The following MATR3 variants were observed in gnomAD, a reference collection of about 807,000 sequenced individuals.
MATR3 encodes matrin 3.
Under a neutral mutation model 85.5 loss-of-function variants are expected in MATR3, and 4 were observed. That is an observed-to-expected ratio of 0.05 (90% CI 0.02 to 0.11). The LOEUF (loss-of-function observed/expected upper bound fraction) is 0.11, where lower values mean the gene tolerates loss of function less well. Among genes scored for constraint, MATR3 ranks in the 10% least tolerant of loss-of-function variants. The pLI, the probability that MATR3 is intolerant of heterozygous loss-of-function variation, is 1.00. For synonymous variants in MATR3, 336 were observed against 343.1 expected (o/e 0.98, Z 0.23); for missense variants, 685 against 1,016.1 (o/e 0.67, Z 4.43).
intron 2 of MATR3, chr5:139,310,331 C>G (rs755789326): frequency 6.6e-6 from 1 of 152,074 alleles, no homozygotes; most frequent in Non-Finnish European, 1.5e-5. Context: ...ATTTTAGAGG[C>G]CTTTTGTTTA....
At chr5:139,329,173 A>T (rs1009808480) in intron 14 of MATR3, among the ~76,000 whole-genome samples, 172 bp from the exon 15 acceptor site, 1 of 152,178 alleles carries the variant, frequency 6.6e-6, no homozygotes, top group African/African-American at 2.4e-5. Flanking sequence ...GCCTTATTGT[A>T]ATGTCCTGAA....
intron 1 of MATR3, chr5:139,294,444 C>T (rs1443978543): frequency 6.3e-6 from 1 of 158,800 alleles, no homozygotes; most frequent in Non-Finnish European, 1.4e-5. Flanking sequence ...CCCATCGCCT[C>T]AGAGCGCCCC....
At chr5:139,303,796 A>G (rs1754574556) in intron 1 of MATR3, among the ~76,000 whole-genome samples, 2 of 152,080 alleles carry the variant, frequency 1.3e-5, no homozygotes, top group African/African-American at 4.8e-5. Context: ...AATACCTTCT[A>G]AGAAATTAAA....
chr5:139,291,559 C>A (rs941808628), upstream of MATR3, among the ~76,000 whole-genome samples: 1 of 151,854 alleles, frequency 6.6e-6, no homozygotes, highest in African/African-American at 2.4e-5. Flanking sequence ...TTTTTTGAAA[C>A]GGAGTTTTGC....
intron 7 of MATR3, 79 bp from the exon 8 acceptor site, chr5:139,318,825 ATTTT>A: frequency 7.5e-7 from 1 of 1,337,616 alleles, no homozygotes; most frequent in Admixed American, 1.7e-5. Context: ...GGGCATTGTT[ATTTT>A]TTAGGAAAAA....
chr5:139,304,712 A>G (rs1754622258), intron 1 of MATR3, among the ~76,000 whole-genome samples: 1 of 152,208 alleles, frequency 6.6e-6, no homozygotes, highest in Non-Finnish European at 1.5e-5. Flanking sequence ...CAAAGCTACT[A>G]TATTTAAAAT....
At chr5:139,301,457 C>G (rs1301006936) in intron 1 of MATR3, among the ~76,000 whole-genome samples, 3 of 151,608 alleles carry the variant, frequency 2.0e-5, no homozygotes, top group Non-Finnish European at 2.9e-5. Flanking sequence ...GTAGCTGGGA[C>G]TACAGGCGTG....
intron 3 of MATR3, among the ~76,000 whole-genome samples, chr5:139,282,350 CAT>C (rs1337863743): frequency 6.6e-6 from 1 of 152,176 alleles, no homozygotes; most frequent in African/African-American, 2.4e-5. Context: ...CTTGATGAGT[CAT>C]AAATTTGTCA....
At chr5:139,297,041 A>T (rs1419543302) in intron 1 of MATR3, among the ~76,000 whole-genome samples, 7 of 152,266 alleles carry the variant, frequency 4.6e-5, no homozygotes, top group Non-Finnish European at 4.4e-5. Flanking sequence ...GCGTGGTGGC[A>T]GGCACCTGTA....
intron 2 of MATR3, chr5:139,310,784 T>G (rs1348465992): frequency 1.3e-5 from 2 of 152,054 alleles, no homozygotes; most frequent in Non-Finnish European, 2.9e-5. Flanking sequence ...AAATTGCTTT[T>G]CTTTTCTTTT....
At chr5:139,282,707 A>C (rs1753573709) in intron 3 of MATR3, 2 of 152,230 alleles carry the variant, frequency 1.3e-5, no homozygotes, top group Admixed American at 1.3e-4. Flanking sequence ...AGATTTCATT[A>C]GTTTTTATGT....
At chr5:139,290,438 CTTTTTTTT>C (rs762364450), upstream of MATR3, among the ~76,000 whole-genome samples, 75 of 44,978 alleles carry the variant, frequency 1.7e-3, 1 homozygote, top group East Asian at 0.018. Flanking sequence ...CCTGGCCGCT[CTTTTTTTT>C]TTTTTTTTTT....
intron 1 of MATR3, among the ~76,000 whole-genome samples, chr5:139,306,655 T>C (rs546442324): frequency 7.9e-5 from 12 of 152,350 alleles, no homozygotes; most frequent in African/African-American, 2.6e-4. Flanking sequence ...GACTTATTTT[T>C]CTTATTCACA....
chr5:139,278,582 TG>T, intron 2 of MATR3: 1 of 357,792 alleles, frequency 2.8e-6, no homozygotes, highest in Non-Finnish European at 5.6e-6. Context: ...TCGCAGTGCT[TG>T]GCACATGGCA....
chr5:139,291,407 A>G (rs150781562), upstream of MATR3, among the ~76,000 whole-genome samples: 1,120 of 152,356 alleles, frequency 7.4e-3, 10 homozygotes, highest in Admixed American at 0.012. Flanking sequence ...GGCCTAATAT[A>G]TTGACACAGT....
Position 139,307,116 on chromosome 5 carries a change from C to T in MATR3, c.-177-123C>T, listed in dbSNP as rs1462054694. On this transcript the variant is annotated intron_variant, in intron 1 of 14. Transcript: ENST00000394805. This position sits in a 1 kb window ranked among gnomAD's most constrained non-coding sequence, Gnocchi z 4.4. ...TCTGTTTAAGATATGTAATAAATTC[C>T]TTGTAAGTTTGAGATCTTAAATGTT... The T allele has an allele frequency of 1.0e-5, 6 of 572,298 alleles. No individual in the cohort carries two copies. The East Asian group carries it at 5.0e-4, about 48-fold the overall frequency. 35.5% of individuals were successfully genotyped at this position (572,298 alleles called of 1,614,324 possible).
intron 3 of MATR3, chr5:139,315,363 A>G (rs1755190116): frequency 3.7e-6 from 1 of 268,640 alleles, no homozygotes; most frequent in Admixed American, 5.0e-5. Context: ...TGGAGAAGGA[A>G]AATCTGTGCT....
Position 139,329,457 on chromosome 5 carries a change from C to CT in MATR3, c.*68dup, listed in dbSNP as rs749356637. ...ATGGTTCTTTGTTTTTAATGTTAAC[C>CT]TTTTTTAAATACAATACTGATAGTT... On this transcript the variant is annotated 3_prime_UTR_variant, in exon 15 of 15. Transcript: ENST00000394805. The CT allele has an allele frequency of 2.2e-6, 3 of 1,359,204 alleles. No homozygotes were observed. The highest frequency in any genetic ancestry group is 3.1e-6 in the Non-Finnish European group (3 of 954,070). The allele number at this position is 1,359,204 out of a possible 1,614,324, so 84.2% of individuals were successfully genotyped here. A position where few individuals can be genotyped will look rare whatever the true frequency, so the allele number is the denominator to read the frequency against.
intron 1 of MATR3, among the ~76,000 whole-genome samples, chr5:139,295,500 T>C (rs1220085122): frequency 6.6e-6 from 1 of 152,230 alleles, no homozygotes; most frequent in Non-Finnish European, 1.5e-5. Flanking sequence ...CGCTTTATCA[T>C]CTTTATATAT....
Sources: allele counts gnomAD v4.1 joint callset (sites outside exome capture counted in the v4.1 genomes callset), GRCh38; gene constraint gnomAD v4.1.1; non-coding constraint Gnocchi (gnomAD v3.1); transcripts MANE v1.5; gene names NCBI Gene and HGNC (gene_info 2026-07-23, HGNC 2026-07-21).